Variants in AFAP1 observed in about 807,000 individuals in gnomAD.
AFAP1 encodes the protein actin filament associated protein 1.
AFAP1 carries 75 observed loss-of-function variants against 93.9 expected under a neutral mutation model. That is an observed-to-expected ratio of 0.80 (90% CI 0.66 to 0.97). The LOEUF is 0.97. Among genes scored for constraint, AFAP1 ranks in the 50% least tolerant of loss-of-function variants. AFAP1 has a pLI of 0.00. For synonymous variants in AFAP1, 517 were observed against 430.7 expected, an observed-to-expected ratio of 1.20 and a Z score of -2.48; for missense variants, 1,201 against 1,050.8, an observed-to-expected ratio of 1.14 and a Z score of -1.98.
At chr4:7,763,909 A>G (rs1714166401) in intron 17 of AFAP1, 118 bp from the exon 18 acceptor site, 1 of 952,906 alleles carries the variant, frequency 1.0e-6, no homozygotes, top group African/African-American at 1.6e-5. Context: ...CAGAAAACTC[A>G]ACAGAATCAA....
At chr4:7,855,684 C>A in intron 3 of AFAP1, 110 bp from the exon 4 acceptor site, 1 of 905,954 alleles carries the variant, frequency 1.1e-6, no homozygotes, top group Non-Finnish European at 1.8e-6. Context: ...TTTGTAAAGT[C>A]TTCGGCAAAA....
At chr4:7,782,713 T>C (rs1716895552) in intron 12 of AFAP1, among the ~76,000 whole-genome samples, 1 of 152,224 alleles carries the variant, frequency 6.6e-6, no homozygotes, top group Non-Finnish European at 1.5e-5. Flanking sequence ...CCGTTGATAG[T>C]CTTCCTGCAT....
intron 6 of AFAP1, among the ~76,000 whole-genome samples, chr4:7,819,940 A>G (rs1720816614): frequency 6.6e-6 from 1 of 152,232 alleles, no homozygotes; most frequent in African/African-American, 2.4e-5. Flanking sequence ...CTGAAGGTTA[A>G]ATGCCCCAAG....
rs865870495 is a variant in AFAP1 at position 7,762,021 on chromosome 4, C to T, written c.*1744G>A. The T allele has an allele frequency of 6.6e-6, 1 of 152,266 alleles. No homozygotes were observed. The highest frequency in any genetic ancestry group is 1.5e-5 in the Non-Finnish European group (1 of 68,066). The allele number at this position is 152,266 out of a possible 1,614,324, so 9.4% of individuals were successfully genotyped here. ...AAGGCTGGCTGATGGCTCAGGAACC[C>T]AAAACCGTTCCCAGCAGATGGCTTT... On this transcript the variant is annotated 3_prime_UTR_variant, in exon 18 of 18. Coordinates refer to ENST00000420658, the MANE Select transcript of AFAP1 (RefSeq NM_001134647.2).
intron 9 of AFAP1, among the ~76,000 whole-genome samples, chr4:7,802,871 G>C (rs867600466): frequency 7.2e-5 from 11 of 152,066 alleles, no homozygotes; most frequent in Middle Eastern, 3.4e-3. Context: ...GGAAGGTCTC[G>C]ATCTCCTGAC....
chr4:7,890,786 T>C (rs1718426516), intron 1 of AFAP1, among the ~76,000 whole-genome samples: 1 of 152,106 alleles, frequency 6.6e-6, no homozygotes, highest in African/African-American at 2.4e-5. Flanking sequence ...AAATGACTCA[T>C]CATATCAAGC....
At position 7,838,616 on chromosome 4, in the gene AFAP1, T is replaced by C; in HGVS notation, c.634A>G (p.Lys212Glu). 6.2e-7 allele frequency: 1 copy of C among 1,614,158 alleles called. No homozygotes were observed. The highest frequency in any genetic ancestry group is 8.5e-7 in the Non-Finnish European group (1 of 1,180,030). The part of the protein sequence containing the change: ...NITYIPKDSK[K>E]KKHELKITQQ... ...GTAATCTTCAGCTCGTGCTTCTTCT[T>C]TTTGCTGTCTTTCGGGATGTACGTA... The change falls in exon 6 of 18, where the codon AAG becomes GAG. Residue 212 changes from lysine to glutamate, a missense_variant. Coordinates refer to ENST00000420658, the MANE Select transcript of AFAP1 (RefSeq NM_001134647.2).
chr4:7,836,951 G>T (rs561177025), intron 6 of AFAP1, among the ~76,000 whole-genome samples: 3 of 152,022 alleles, frequency 2.0e-5, no homozygotes, highest in Admixed American at 2.0e-4. Context: ...AATGCCTAGC[G>T]TGAACTTGAG....
At chr4:7,902,538 C>T (rs1321145310) in intron 1 of AFAP1, among the ~76,000 whole-genome samples, 2 of 151,958 alleles carry the variant, frequency 1.3e-5, no homozygotes, top group African/African-American at 4.8e-5. Flanking sequence ...TTGCTGTTTC[C>T]GAATCTCCTT....
chr4:7,870,173 A>G (rs1416214267), intron 2 of AFAP1, among the ~76,000 whole-genome samples: 1 of 152,186 alleles, frequency 6.6e-6, no homozygotes, highest in Admixed American at 6.5e-5. Context: ...AGCTTAAGTA[A>G]CCCGTGAAAG....
intron 16 of AFAP1, 170 bp downstream of exon 16, chr4:7,772,650 C>T: frequency 3.2e-6 from 2 of 618,724 alleles, no homozygotes; most frequent in South Asian, 4.3e-5. Context: ...GAACACAGGC[C>T]CGGCCGATGA....
intron 12 of AFAP1, among the ~76,000 whole-genome samples, chr4:7,784,586 G>A (rs1040140520): frequency 6.6e-6 from 1 of 152,166 alleles, no homozygotes; most frequent in South Asian, 2.1e-4. Flanking sequence ...TTAGAATCAG[G>A]TGGGGGCCTC....
rs144629222 is a variant in AFAP1 at position 7,783,590 on chromosome 4, A to G, written c.1531-1963T>C. ...GAAGCCACAAACATGTAGCCCAGCA[A>G]TACACACACACAAACAATTCCTACA... On this transcript the variant is annotated intron_variant, in intron 12 of 17. Transcript: ENST00000420658. Among the ~76,000 whole-genome samples, 244 of 152,386 alleles carry G rather than the reference A, an allele frequency of 1.6e-3. 1 individual carries two copies. Among genetic ancestry groups the G allele is most frequent in the African/African-American group, 5.7e-3 (237 of 41,594 alleles).
At chr4:7,783,718 A>G (rs1271386757) in intron 12 of AFAP1, among the ~76,000 whole-genome samples, 1 of 152,246 alleles carries the variant, frequency 6.6e-6, no homozygotes, top group Non-Finnish European at 1.5e-5. Flanking sequence ...AGAGTGTCAT[A>G]AAAGTCTGAA....
At chr4:7,928,537 A>G (rs6815172) in intron 1 of AFAP1, among the ~76,000 whole-genome samples, 100,759 of 151,290 alleles carry the variant, frequency 0.67, 33,738 homozygotes, top group Middle Eastern at 0.74. Flanking sequence ...ACAGGCACGC[A>G]CCACCACACC....
chr4:7,912,707 G>C (rs1488250562), intron 1 of AFAP1, among the ~76,000 whole-genome samples: 2 of 152,118 alleles, frequency 1.3e-5, no homozygotes, highest in Non-Finnish European at 2.9e-5. Context: ...CTTGCAATTA[G>C]TTTCTCCCAG....
At chr4:7,794,906 C>T (rs1324093030) in intron 10 of AFAP1, among the ~76,000 whole-genome samples, 6 of 151,942 alleles carry the variant, frequency 3.9e-5, no homozygotes. Flanking sequence ...TTTGATTAAT[C>T]AAATATGCAA....
chr4:7,866,025 T>C (rs1716358533), intron 3 of AFAP1, among the ~76,000 whole-genome samples: 2 of 152,114 alleles, frequency 1.3e-5, no homozygotes, highest in African/African-American at 4.8e-5. Context: ...GCCTCCCAAG[T>C]AGCTGGGACT....
At chr4:7,814,009 C>T (rs1197965355) in intron 8 of AFAP1, among the ~76,000 whole-genome samples, 1 of 152,152 alleles carries the variant, frequency 6.6e-6, no homozygotes, top group African/African-American at 2.4e-5. Flanking sequence ...TCTGGTTTTG[C>T]AGTGGGAACT....
Sources: allele counts gnomAD v4.1 joint callset (sites outside exome capture counted in the v4.1 genomes callset), GRCh38; gene constraint gnomAD v4.1.1; transcripts MANE v1.5; gene names NCBI Gene and HGNC (gene_info 2026-07-23, HGNC 2026-07-21).